GOLGB1: variants seen among roughly 807,000 people sequenced by gnomAD.
GOLGB1 encodes golgin subfamily B member 1.
GOLGB1 carries 174 observed loss-of-function variants against 336.9 expected under a neutral mutation model. The observed-to-expected ratio is 0.52, with a 90% CI of 0.46 to 0.59. The LOEUF (loss-of-function observed/expected upper bound fraction) is 0.59. Ranked by LOEUF, GOLGB1 falls within the 20% of genes least tolerant of loss-of-function variation. The pLI, the probability that GOLGB1 is intolerant of heterozygous loss-of-function variation, is 0.00. For missense variants in GOLGB1, 3,331 were observed against 3,645.3 expected (o/e 0.91, Z 2.22); for synonymous variants, 1,208 against 1,289.2 (o/e 0.94, Z 1.35).
chr3:121,717,034 G>C lies in GOLGB1; in HGVS notation c.991C>G (p.Leu331Val). 6.2e-7 allele frequency: 1 copy of C among 1,613,650 alleles called. No homozygotes were observed. Among genetic ancestry groups the C allele is most frequent in the Non-Finnish European group, 8.5e-7 (1 of 1,179,656 alleles). The change falls in exon 9 of 22, where the codon CTT becomes GTT. Residue 331 changes from leucine to valine, a missense_variant. Transcript: ENST00000614479. ...ESKILLEKME[L>V]EVAERKLSFH... ...GATAATTTTCTCTCTGCCACTTCAA[G>C]TTCCATCTTTTCCAGTAGAATCTTG...
At chr3:121,736,976 A>T (rs1946517460) in intron 1 of GOLGB1, among the ~76,000 whole-genome samples, 1 of 152,194 alleles carries the variant, frequency 6.6e-6, no homozygotes, top group Non-Finnish European at 1.5e-5. Flanking sequence ...ACATTACTGG[A>T]AAAAATGGTG....
At chr3:121,739,242 G>T (rs1946691498) in intron 1 of GOLGB1, among the ~76,000 whole-genome samples, 1 of 151,998 alleles carries the variant, frequency 6.6e-6, no homozygotes, top group South Asian at 2.1e-4. Flanking sequence ...TCCAGCCTGG[G>T]TGATAGAGTA....
intron 17 of GOLGB1, among the ~76,000 whole-genome samples, chr3:121,672,127 T>C (rs1440718820): frequency 6.6e-6 from 1 of 152,236 alleles, no homozygotes; most frequent in East Asian, 1.9e-4. Context: ...CTTTTTGATA[T>C]ATTGATTTTC....
chr3:121,691,104 G>A lies in GOLGB1; in HGVS notation c.8260C>T (p.His2754Tyr), dbSNP rs1942377680. Residue 2754 changes from histidine to tyrosine, a missense_variant, in exon 14 of 22, where the codon CAT becomes TAT. Coordinates refer to ENST00000614479, the MANE Select transcript of GOLGB1 (RefSeq NM_001366282.2). ...AGTTCATCAAGTTCCTCATTGGCAT[G>A]ATCTCTACTATTTTGCAAGGAACTC... is the stretch of plus-strand genomic sequence containing the variant. ...SMSSLQNSRDHANEELDELKR... is the reference protein window; with the variant it reads ...SMSSLQNSRDYANEELDELKR... The A allele has an allele frequency of 6.2e-7, 1 of 1,613,986 alleles. No homozygotes were observed. Among genetic ancestry groups the A allele is most frequent in the Non-Finnish European group, 8.5e-7 (1 of 1,179,998 alleles).
At chr3:121,688,919 C>T (rs1458522791) in intron 14 of GOLGB1, among the ~76,000 whole-genome samples, 1 of 151,118 alleles carries the variant, frequency 6.6e-6, no homozygotes, top group Non-Finnish European at 1.5e-5. Context: ...GCAACTGCCC[C>T]ATCTGAGAAG....
chr3:121,708,472 CAAA>C (rs950441900), intron 10 of GOLGB1, among the ~76,000 whole-genome samples: 1 of 143,668 alleles, frequency 7.0e-6, no homozygotes, highest in African/African-American at 2.5e-5. Flanking sequence ...CTTGTCTCTA[CAAA>C]AAAAAAAATT....
intron 20 of GOLGB1, among the ~76,000 whole-genome samples, chr3:121,665,432 C>T (rs893453925): frequency 1.3e-5 from 2 of 151,002 alleles, no homozygotes; most frequent in Admixed American, 6.6e-5. Flanking sequence ...TCAAGCCTCA[C>T]GTTCTTTTTT....
In GOLGB1 at chr3:121,722,119, A is replaced by G. The variant is rs946344378; in HGVS notation, c.648+143T>C. 5 of 593,942 alleles carry G rather than the reference A, an allele frequency of 8.4e-6. No homozygotes were observed. The South Asian group carries it at 1.1e-4, about 13-fold the overall frequency. 36.8% of individuals were successfully genotyped at this position (593,942 alleles called of 1,614,324 possible). A position where few individuals can be genotyped will look rare whatever the true frequency, so the allele number is the denominator to read the frequency against. On this transcript the variant is annotated intron_variant, in intron 6 of 21. Coordinates refer to ENST00000614479, the MANE Select transcript of GOLGB1 (RefSeq NM_001366282.2). ...CACATCTCCTAATCTCTTCTACTAC[A>G]TATCCTTCTAATTTCTAGTGCAACA... is the stretch of plus-strand genomic sequence containing the variant.
At position 121,698,295 on chromosome 3, in the gene GOLGB1, G is replaced by C; in HGVS notation, c.2228C>G (p.Ala743Gly). ...FKKNADNNSS[A>G]FTALSEERDQ... is the part of the protein sequence containing the mutation. The stretch of plus-strand genomic sequence containing the variant: ...TCTTTCTTCAGACAAAGCAGTGAAT[G>C]CACTGCTGTTGTTGTCAGCATTTTT... The change falls in exon 13 of 22, where the codon GCA becomes GGA. Residue 743 changes from alanine (A) to glycine (G), a missense_variant. Coordinates refer to ENST00000614479, the MANE Select transcript of GOLGB1 (RefSeq NM_001366282.2). The C allele has an allele frequency of 6.2e-7, 1 of 1,612,652 alleles. No homozygotes were observed. The highest frequency in any genetic ancestry group is 8.5e-7 in the Non-Finnish European group (1 of 1,178,700).
At chr3:121,744,684 T>C (rs1029848381) in intron 1 of GOLGB1, among the ~76,000 whole-genome samples, 24 of 144,368 alleles carry the variant, frequency 1.7e-4, no homozygotes, top group African/African-American at 5.1e-4. Flanking sequence ...AAAGGAAAAA[T>C]AGATTACTTT....
intron 5 of GOLGB1, among the ~76,000 whole-genome samples, chr3:121,726,149 C>T (rs1209209045): frequency 6.6e-6 from 1 of 150,552 alleles, no homozygotes; most frequent in East Asian, 1.9e-4. Flanking sequence ...GAAAATTATA[C>T]AGGCCAGGCA....
chr3:121,726,064 A>T (rs1945568527), intron 5 of GOLGB1, among the ~76,000 whole-genome samples: 1 of 151,950 alleles, frequency 6.6e-6, no homozygotes, highest in South Asian at 2.1e-4. Flanking sequence ...TATAGGTGAT[A>T]AAAGCATACC....
chr3:121,671,037 T>C (rs1193173148), intron 17 of GOLGB1, among the ~76,000 whole-genome samples: 1 of 152,226 alleles, frequency 6.6e-6, no homozygotes, highest in Admixed American at 6.5e-5. Flanking sequence ...AAGGTTTTAC[T>C]GGAACACAAC....
Position 121,696,340 on chromosome 3 carries a change from A to G in GOLGB1, c.4183T>C (p.Leu1395=). 1 of 1,614,116 alleles carries G rather than the reference A, an allele frequency of 6.2e-7. No homozygotes were observed. Among genetic ancestry groups the G allele is most frequent in the African/African-American group, 1.3e-5 (1 of 75,016 alleles). ...TGCAGTTCATCCAGTTTAGGTTGCAATTCTCTTAGATGTTCTAGGCCAGCA... is the reference window on the plus strand; with the variant it reads ...TGCAGTTCATCCAGTTTAGGTTGCAGTTCTCTTAGATGTTCTAGGCCAGCA... ...QIAGLEHLRE[L]QPKLDELQKL... The change falls in exon 13 of 22, where the codon TTG becomes CTG. Residue 1395 remains leucine (L), a synonymous_variant. Coordinates refer to ENST00000614479, the MANE Select transcript of GOLGB1 (RefSeq NM_001366282.2).
In GOLGB1 at chr3:121,664,488, G is replaced by A. The variant is rs138092538; in HGVS notation, c.9787C>T (p.His3263Tyr). ...HVLLILCFTG[H>Y]L ...AAGAGTAACAACTAAGTCTATAGAT[G>A]GCCCGTAAAACACAGAATGAGCAGG... The change falls in exon 22 of 22, where the codon CAT (histidine) becomes TAT (tyrosine). Residue 3263 changes from histidine (H) to tyrosine (Y), a missense_variant. His to Tyr is a moderately conservative substitution (Grantham distance 83, BLOSUM62 2). Transcript: ENST00000614479. 6.8e-6 allele frequency: 11 copies of A among 1,613,592 alleles called. No individual in the cohort carries two copies. The highest frequency in any genetic ancestry group is 3.3e-5 in the Admixed American group (2 of 60,000).
In GOLGB1 at chr3:121,688,723, T is replaced by C. The variant is rs553054216; in HGVS notation, c.8694+1947A>G. ...GAGGAGCGTCTCTGCCCGGCCGCCATCCCATCTAGGAAGTGAGGAGCGTCT... is the reference window on the plus strand; with the variant it reads ...GAGGAGCGTCTCTGCCCGGCCGCCACCCCATCTAGGAAGTGAGGAGCGTCT... On this transcript the variant is annotated intron_variant, in intron 14 of 21. Transcript: ENST00000614479. Among the ~76,000 whole-genome samples, 15 of 141,050 alleles carry C rather than the reference T, an allele frequency of 1.1e-4. No homozygotes were observed. In the East Asian group the frequency reaches 3.3e-3, roughly 31 times the overall value. 92.5% of individuals were successfully genotyped at this position (141,050 alleles called of 152,430 possible).
intron 4 of GOLGB1, among the ~76,000 whole-genome samples, chr3:121,727,745 C>T (rs1396373590): frequency 2.0e-5 from 3 of 152,048 alleles, no homozygotes; most frequent in Admixed American, 6.6e-5. Flanking sequence ...TCCCAACCCC[C>T]TAAACAAAGC....
Position 121,692,046 on chromosome 3 carries a change from C to T in GOLGB1, c.7318G>A (p.Val2440Ile). The T allele has an allele frequency of 6.2e-7, 1 of 1,612,670 alleles. No individual in the cohort carries two copies. The highest frequency in any genetic ancestry group is 8.5e-7 in the Non-Finnish European group (1 of 1,179,668). The change falls in exon 14 of 22, where the codon GTT becomes ATT. Residue 2440 changes from valine (V) to isoleucine (I), a missense_variant. Physicochemically the swap from Val to Ile is conservative, Grantham distance 29. Coordinates refer to ENST00000614479, the MANE Select transcript of GOLGB1 (RefSeq NM_001366282.2). ...IVLEEENKKA[V>I]DKTNQLMETL... The stretch of plus-strand genomic sequence containing the variant: ...TCCATAAGCTGATTGGTTTTATCAA[C>T]AGCCTTTTTGTTCTCCTCTTCTAAA...
intron 4 of GOLGB1, among the ~76,000 whole-genome samples, chr3:121,728,778 C>G (rs573832146): frequency 3.3e-5 from 5 of 152,158 alleles, no homozygotes; most frequent in Non-Finnish European, 7.3e-5. Flanking sequence ...TATGAGGACA[C>G]AGAATATTCT....
Sources: allele counts gnomAD v4.1 joint callset (sites outside exome capture counted in the v4.1 genomes callset), GRCh38; gene constraint gnomAD v4.1.1; transcripts MANE v1.5; gene names NCBI Gene and HGNC (gene_info 2026-07-23, HGNC 2026-07-21).